GPR158: variants seen among roughly 807,000 people sequenced by gnomAD.
GPR158 encodes the protein metabotropic glycine receptor.
Under a neutral mutation model 78.2 loss-of-function variants are expected in GPR158, and 30 were observed. That is an observed-to-expected ratio of 0.38 (90% confidence interval 0.29 to 0.52). GPR158 has a LOEUF of 0.52. GPR158 is among the 20% of genes least tolerant of loss of function. The probability of loss-of-function intolerance (pLI) is 0.83; values close to 1 mark genes in which losing one functional copy is unlikely to be tolerated. For synonymous variants in GPR158, 581 were observed against 591.1 expected, an observed-to-expected ratio of 0.98 and a Z score of 0.25; for missense variants, 1,463 against 1,523.5, an observed-to-expected ratio of 0.96 and a Z score of 0.66.
intron 2 of GPR158, among the ~76,000 whole-genome samples, chr10:25,327,402 A>G (rs1310608605): frequency 6.6e-6 from 1 of 152,160 alleles, no homozygotes; most frequent in African/African-American, 2.4e-5. Context: ...CAAATGGCAA[A>G]TTTATTGCTG....
At chr10:25,228,464 C>T (rs1275213327) in intron 2 of GPR158, among the ~76,000 whole-genome samples, 1 of 151,760 alleles carries the variant, frequency 6.6e-6, no homozygotes, top group East Asian at 1.9e-4. Context: ...AATATTATAC[C>T]ATTGTGCTCC....
chr10:25,424,132 G>C (rs1204358877), intron 4 of GPR158, among the ~76,000 whole-genome samples: 1 of 152,136 alleles, frequency 6.6e-6, no homozygotes, highest in Non-Finnish European at 1.5e-5. Flanking sequence ...CTGATGGCCG[G>C]TGATGATGAG....
At chr10:25,560,952 ATGTG>A (rs751834065) in intron 6 of GPR158, among the ~76,000 whole-genome samples, 2 of 152,198 alleles carry the variant, frequency 1.3e-5, no homozygotes, top group Non-Finnish European at 2.9e-5. Context: ...GAAATACTTA[ATGTG>A]TGTTTTTTTT....
chr10:25,337,629 T>C (rs1203512450), intron 2 of GPR158, among the ~76,000 whole-genome samples: 1 of 152,082 alleles, frequency 6.6e-6, no homozygotes, highest in Admixed American at 6.6e-5. Flanking sequence ...TATACATATT[T>C]ATACATTTCT....
Position 25,565,822 on chromosome 10 carries a change from CAG to C in GPR158, c.1515-6826_1515-6825del, listed in dbSNP as rs568414429. ...GGCTGACCGTGGTGAGTGATAGAGA[CAG>C]GGGACCGAGGGCAAGAAAAAGCTGT... On this transcript the variant is annotated intron_variant, in intron 6 of 10. Transcript: ENST00000376351. 3.9e-5 allele frequency among the ~76,000 whole-genome samples: 6 copies of C among 152,210 alleles called. No homozygotes were observed. In the South Asian group the frequency reaches 6.2e-4, roughly 16 times the overall value.
intron 5 of GPR158, among the ~76,000 whole-genome samples, chr10:25,534,668 C>T (rs531459473): frequency 3.1e-4 from 47 of 151,742 alleles, no homozygotes; most frequent in African/African-American, 9.9e-4. Flanking sequence ...ACAGGAGAAT[C>T]GCTTGAACCC....
intron 2 of GPR158, among the ~76,000 whole-genome samples, chr10:25,275,771 C>T (rs529711361): frequency 5.5e-4 from 84 of 152,126 alleles, no homozygotes; most frequent in African/African-American, 1.9e-3. Context: ...TCATTTTGCC[C>T]AATTCTGTCA....
intron 4 of GPR158, among the ~76,000 whole-genome samples, chr10:25,415,489 A>G (rs1315543297): frequency 6.6e-6 from 1 of 152,108 alleles, no homozygotes; most frequent in Non-Finnish European, 1.5e-5. Context: ...CTAAAAATAG[A>G]AAAGATGGTA....
chr10:25,486,531 C>T (rs973928697), intron 5 of GPR158, among the ~76,000 whole-genome samples: 20 of 152,132 alleles, frequency 1.3e-4, no homozygotes, highest in Admixed American at 1.2e-3. Flanking sequence ...ACCCCGAATA[C>T]GTTAGTCGAT....
intron 1 of GPR158, among the ~76,000 whole-genome samples, chr10:25,204,818 G>GTT (rs1159106958): frequency 0.011 from 1,278 of 118,898 alleles, 40 homozygotes; most frequent in South Asian, 0.032. Context: ...GTCTCTGAGG[G>GTT]TTTTTTTTTT....
At chr10:25,322,111 G>A (rs536082801) in intron 2 of GPR158, among the ~76,000 whole-genome samples, 27 of 152,112 alleles carry the variant, frequency 1.8e-4, no homozygotes, top group Non-Finnish European at 3.5e-4. Flanking sequence ...GGCCAGGCGC[G>A]GTGGCTCACG....
intron 2 of GPR158, among the ~76,000 whole-genome samples, chr10:25,252,974 G>T (rs1179161938): frequency 6.6e-6 from 1 of 152,238 alleles, no homozygotes; most frequent in Non-Finnish European, 1.5e-5. Flanking sequence ...AGATTCCGTG[G>T]GCGTAGGACC....
intron 4 of GPR158, among the ~76,000 whole-genome samples, chr10:25,464,550 C>A (rs1835397285): frequency 6.6e-6 from 1 of 152,158 alleles, no homozygotes; most frequent in South Asian, 2.1e-4. Context: ...ATAAATCTGT[C>A]AGATTTAATA....
At chr10:25,333,017 C>G (rs1383468878) in intron 2 of GPR158, among the ~76,000 whole-genome samples, 2 of 152,034 alleles carry the variant, frequency 1.3e-5, no homozygotes, top group Non-Finnish European at 2.9e-5. Context: ...CATTTGGGAT[C>G]AAGTTTAGAG....
At chr10:25,293,903 A>G (rs956379710) in intron 2 of GPR158, among the ~76,000 whole-genome samples, 4 of 151,550 alleles carry the variant, frequency 2.6e-5, no homozygotes, top group African/African-American at 9.7e-5. Context: ...CCACCACCAT[A>G]CCCAGCTAAT....
intron 2 of GPR158, among the ~76,000 whole-genome samples, chr10:25,373,153 G>A (rs116643584): frequency 2.5e-4 from 38 of 152,032 alleles, no homozygotes; most frequent in African/African-American, 8.9e-4. Context: ...GTAGCAGCAT[G>A]GATGGAGCTG....
intron 3 of GPR158, among the ~76,000 whole-genome samples, chr10:25,405,498 C>CTTTTTTTTT (rs59695469): frequency 1.8e-4 from 8 of 45,532 alleles, no homozygotes; most frequent in East Asian, 6.6e-4. Context: ...AAACAATTTC[C>CTTTTTTTTT]TTTTTTTTTT....
At chr10:25,477,178 A>AG (rs1399366307) in intron 5 of GPR158, among the ~76,000 whole-genome samples, 2 of 152,138 alleles carry the variant, frequency 1.3e-5, no homozygotes, top group African/African-American at 4.8e-5. Flanking sequence ...CTGAAGCAGA[A>AG]GAAAAACAAG....
At chr10:25,433,690 C>CTTTTTTTT (rs776105443) in intron 4 of GPR158, among the ~76,000 whole-genome samples, 23 of 93,242 alleles carry the variant, frequency 2.5e-4, no homozygotes, top group Non-Finnish European at 3.2e-4. Flanking sequence ...TTCTTTCTTT[C>CTTTTTTTT]TTTCTTTTTT....
Sources: gnomAD v4.1 joint callset for allele counts (sites outside exome capture counted in the v4.1 genomes callset) on GRCh38, gnomAD v4.1.1 for gene constraint, MANE v1.5 for transcripts, NCBI Gene and HGNC (gene_info 2026-07-23, HGNC 2026-07-21) for gene names.